The following ARHGAP44 variants were observed in gnomAD, a reference collection of about 807,000 sequenced individuals.
The protein encoded by ARHGAP44 is Rho GTPase activating protein 44.
A neutral mutation model predicts 106.8 loss-of-function variants in ARHGAP44; 43 were observed. That is an observed-to-expected ratio of 0.40 (90% CI 0.32 to 0.52). The LOEUF is 0.52. Ranked by LOEUF, ARHGAP44 falls within the 20% of genes least tolerant of loss-of-function variation. The pLI is 0.48. For synonymous variants in ARHGAP44, 439 were observed against 410.3 expected (o/e 1.07, Z -0.85); for missense variants, 866 against 1,050.5 (o/e 0.82, Z 2.43).
chr17:12,903,035 C>T (rs1404111322), intron 3 of ARHGAP44, among the ~76,000 whole-genome samples: 1 of 141,542 alleles, frequency 7.1e-6, no homozygotes, highest in Non-Finnish European at 1.5e-5. Context: ...TTGCCTGGGG[C>T]TGGAATTAGA....
At chr17:12,843,066 C>T (rs1413269758) in intron 1 of ARHGAP44, among the ~76,000 whole-genome samples, 3 of 151,726 alleles carry the variant, frequency 2.0e-5, no homozygotes, top group Admixed American at 2.0e-4. Flanking sequence ...CCTTAGCCCC[C>T]ACATTGTCAG....
intron 1 of ARHGAP44, among the ~76,000 whole-genome samples, chr17:12,890,244 A>C (rs752142831): frequency 6.6e-6 from 1 of 152,154 alleles, no homozygotes; most frequent in Non-Finnish European, 1.5e-5. Flanking sequence ...CTCTTGTGAC[A>C]TGTCTGTGCC....
At position 12,973,291 on chromosome 17, in the gene ARHGAP44, T is replaced by C; in HGVS notation, c.1524-11T>C. 1 of 1,607,382 alleles carries C rather than the reference T, an allele frequency of 6.2e-7. No homozygotes were observed. The highest frequency in any genetic ancestry group is 1.1e-5 in the South Asian group (1 of 89,474). ...TTTGAAACTAATATCTGTATGTTTC[T>C]GTCCCTGCAGCCTTAGGAAAATCCA... is the stretch of plus-strand genomic sequence containing the variant. On this transcript the variant is annotated splice_polypyrimidine_tract_variant and intron_variant, in intron 16 of 20. Transcript: ENST00000379672.
At chr17:12,886,957 T>A (rs931525564) in intron 1 of ARHGAP44, among the ~76,000 whole-genome samples, 1 of 143,366 alleles carries the variant, frequency 7.0e-6, no homozygotes, top group African/African-American at 2.8e-5. Flanking sequence ...CTCCTAGTTT[T>A]CTAAGAGTTT....
At chr17:12,972,056 T>C (rs2039539897) in intron 16 of ARHGAP44, among the ~76,000 whole-genome samples, 1 of 152,112 alleles carries the variant, frequency 6.6e-6, no homozygotes, top group African/African-American at 2.4e-5. Context: ...GATTTCATGG[T>C]GTAATAGTTT....
intron 1 of ARHGAP44, among the ~76,000 whole-genome samples, chr17:12,857,043 A>G (rs143122473): frequency 1.6e-4 from 25 of 152,320 alleles, no homozygotes; most frequent in Middle Eastern, 3.4e-3. Flanking sequence ...TTAGATATAT[A>G]TAAATTGCCT....
intron 1 of ARHGAP44, among the ~76,000 whole-genome samples, chr17:12,867,594 A>G (rs1278978711): frequency 1.6e-4 from 25 of 152,176 alleles, no homozygotes; most frequent in Admixed American, 1.6e-3. Flanking sequence ...GGACTTGATC[A>G]CAGGTTTGTC....
At chr17:12,893,747 A>G (rs961470700) in intron 1 of ARHGAP44, among the ~76,000 whole-genome samples, 1 of 152,136 alleles carries the variant, frequency 6.6e-6, no homozygotes, top group Non-Finnish European at 1.5e-5. Context: ...TTTTCTAAAA[A>G]GTGTCTGTCT....
chr17:12,951,230 C>T lies in ARHGAP44; in HGVS notation c.1056-1271C>T, dbSNP rs114118457. ...TTAAGCTCATTGTGTGTTTTTAACTCCTGTAATTTTGACAAGAACCCTATG... is the reference window on the plus strand; with the variant it reads ...TTAAGCTCATTGTGTGTTTTTAACTTCTGTAATTTTGACAAGAACCCTATG... On this transcript the variant is annotated intron_variant, in intron 12 of 20. Transcript: ENST00000379672. 8.0e-3 allele frequency among the ~76,000 whole-genome samples: 1,217 copies of T among 152,220 alleles called. 21 individuals carry two copies. Among genetic ancestry groups the T allele is most frequent in the African/African-American group, 0.026 (1,088 of 41,534 alleles).
At position 12,962,764 on chromosome 17, in the gene ARHGAP44, G is replaced by A. The variant is rs369017118; in HGVS notation, c.1523+3867G>A. 1.2e-3 allele frequency among the ~76,000 whole-genome samples: 179 copies of A among 152,212 alleles called. 5 individuals carry two copies. The South Asian group carries it at 0.034, about 29-fold the overall frequency. ...AATTTATTTAGAAAATCAATTTCTG[G>A]GTCAGGCGCGGTGGCTCATGCCTGT... On this transcript the variant is annotated intron_variant, in intron 16 of 20. Transcript: ENST00000379672.
chr17:12,803,998 A>G (rs2034197359), intron 1 of ARHGAP44, among the ~76,000 whole-genome samples: 1 of 152,202 alleles, frequency 6.6e-6, no homozygotes, highest in Non-Finnish European at 1.5e-5. Context: ...CTTAAACAAT[A>G]AGGGAACTTT....
intron 1 of ARHGAP44, among the ~76,000 whole-genome samples, chr17:12,831,602 A>C (rs1652425535): frequency 6.6e-6 from 1 of 152,174 alleles, no homozygotes; most frequent in Non-Finnish European, 1.5e-5. Context: ...TGATCCAAGA[A>C]GTCAGGATTC....
At chr17:12,854,102 C>T (rs779042607) in intron 1 of ARHGAP44, among the ~76,000 whole-genome samples, 8 of 152,150 alleles carry the variant, frequency 5.3e-5, no homozygotes, top group South Asian at 2.1e-4. Context: ...AAACAAGTGC[C>T]GTGTCTCCTG....
intron 1 of ARHGAP44, among the ~76,000 whole-genome samples, chr17:12,871,607 A>T (rs1390721488): frequency 2.0e-5 from 3 of 152,024 alleles, no homozygotes; most frequent in African/African-American, 7.2e-5. Context: ...AACAAGGGGG[A>T]AATCCACTCC....
rs367611091 is a variant in ARHGAP44, at chr17:12,919,017, A to G, written c.388-738A>G. On this transcript the variant is annotated intron_variant, in intron 5 of 20. Coordinates refer to ENST00000379672, the MANE Select transcript of ARHGAP44 (RefSeq NM_014859.6). Reference sequence around the variant, plus strand: ...TCATCTGATGTTGGTCAAAGGGTACAAAGTCTCCCTTAAGCAAGATGAGTA... The same window carrying G: ...TCATCTGATGTTGGTCAAAGGGTACGAAGTCTCCCTTAAGCAAGATGAGTA... 1.6e-4 allele frequency among the ~76,000 whole-genome samples: 24 copies of G among 152,352 alleles called. 2 individuals are homozygous for G. Among genetic ancestry groups the G allele is most frequent in the African/African-American group, 3.6e-4 (15 of 41,570 alleles).
Position 12,861,644 on chromosome 17 carries a change from C to CTTTTTTTTTTTTTTTTTTTTTTTTTTT in ARHGAP44, c.54-33282_54-33281insTTTTTTTTTTTTTTTTTTTTTTTTTTT, listed in dbSNP as rs71144930. On this transcript the variant is annotated intron_variant, in intron 1 of 20. Transcript: ENST00000379672. ...AATTCCTCTTCTGCCTCCTCTTCCA[C>CTTTTTTTTTTTTTTTTTTTTTTTTTTT]TTTTTTTTTTTTTTGAGATGGAATC... Among the ~76,000 whole-genome samples the CTTTTTTTTTTTTTTTTTTTTTTTTTTT allele has an allele frequency of 1.3e-4, 9 of 67,752 alleles. 3 individuals are homozygous for CTTTTTTTTTTTTTTTTTTTTTTTTTTT. The highest frequency in any genetic ancestry group is 1.5e-4 in the African/African-American group (3 of 20,510). 44.4% of individuals were successfully genotyped at this position (67,752 alleles called of 152,430 possible).
intron 20 of ARHGAP44, 72 bp from the exon 21 acceptor site, chr17:12,989,960 A>G: frequency 6.4e-7 from 1 of 1,569,534 alleles, no homozygotes; most frequent in Non-Finnish European, 8.7e-7. Context: ...GGCTGACATT[A>G]TTTGCCTACA....
At chr17:12,940,534 C>G (rs778062042) in intron 7 of ARHGAP44, among the ~76,000 whole-genome samples, 1 of 152,220 alleles carries the variant, frequency 6.6e-6, no homozygotes, top group Non-Finnish European at 1.5e-5. Flanking sequence ...TTTGAGTCAG[C>G]AATCCTTTCC....
At chr17:12,897,706 G>GTGT (rs898426477) in intron 3 of ARHGAP44, among the ~76,000 whole-genome samples, 1 of 114,078 alleles carries the variant, frequency 8.8e-6, no homozygotes, top group Non-Finnish European at 1.9e-5. Flanking sequence ...CCTTTGATCT[G>GTGT]TGTCTTTTTT....
Sources: gnomAD v4.1 joint callset for allele counts (sites outside exome capture counted in the v4.1 genomes callset) on GRCh38, gnomAD v4.1.1 for gene constraint, MANE v1.5 for transcripts, NCBI Gene and HGNC (gene_info 2026-07-23, HGNC 2026-07-21) for gene names.